The following FLT1 variants were observed in gnomAD, a reference collection of about 807,000 sequenced individuals.
FLT1 encodes the protein vascular endothelial growth factor receptor 1.
FLT1 carries 49 observed loss-of-function variants against 156.3 expected under a neutral mutation model. That is an observed-to-expected ratio of 0.31 (90% CI 0.25 to 0.40). The LOEUF (loss-of-function observed/expected upper bound fraction) is 0.40. Ranked by LOEUF, FLT1 falls within the 10% of genes least tolerant of loss-of-function variation. The pLI, the probability that FLT1 is intolerant of heterozygous loss-of-function variation, is 1.00. For synonymous variants in FLT1, 594 were observed against 583.8 expected, an observed-to-expected ratio of 1.02 and a Z score of -0.25; for missense variants, 1,322 against 1,637.2, an observed-to-expected ratio of 0.81 and a Z score of 3.32.
At chr13:28,307,657 A>T (rs1469084880) in intron 28 of FLT1, among the ~76,000 whole-genome samples, 10 of 147,116 alleles carry the variant, frequency 6.8e-5, no homozygotes, top group South Asian at 2.1e-4. Context: ...TTCGTTTTTG[A>T]TTTTTTTTTT....
intron 12 of FLT1, among the ~76,000 whole-genome samples, chr13:28,392,813 A>T (rs940244707): frequency 2.0e-5 from 3 of 152,212 alleles, no homozygotes; most frequent in Non-Finnish European, 4.4e-5. Context: ...AAAAGCAAAG[A>T]ACCAAATTCG....
In FLT1 at chr13:28,357,199, CT is replaced by C. The variant is rs375938526; in HGVS notation, c.2248+354del. Among the ~76,000 whole-genome samples the C allele has an allele frequency of 4.7e-4, 72 of 152,096 alleles. No homozygotes were observed. The South Asian group carries it at 0.014, about 30-fold the overall frequency. On this transcript the variant is annotated intron_variant, in intron 15 of 29. Transcript: ENST00000282397. ...TCCCCCTCCTCACCTACCCCCCTCC[CT>C]TTTCTTCCATTTTGGACATCTCTCT... is the stretch of plus-strand genomic sequence containing the variant.
chr13:28,484,973 C>T (rs1385390237), intron 1 of FLT1, among the ~76,000 whole-genome samples: 1 of 151,176 alleles, frequency 6.6e-6, no homozygotes, highest in Non-Finnish European at 1.5e-5. Flanking sequence ...GGAGATATAC[C>T]TAATGTTAAA....
chr13:28,357,467 A>G, intron 15 of FLT1, 87 bp downstream of exon 15: 1 of 1,340,406 alleles, frequency 7.5e-7, no homozygotes, highest in Non-Finnish European at 1.1e-6. Flanking sequence ...TGGAGCAGGC[A>G]GCAGGAGACT....
chr13:28,379,911 T>C (rs1445301930), intron 14 of FLT1, among the ~76,000 whole-genome samples: 3 of 152,192 alleles, frequency 2.0e-5, no homozygotes, highest in Non-Finnish European at 4.4e-5. Context: ...TGTACAAAGC[T>C]TGAGCCCTTG....
intron 13 of FLT1, chr13:28,388,112 T>G (rs2137455761): frequency 1.9e-6 from 2 of 1,057,220 alleles, no homozygotes; most frequent in East Asian, 5.3e-5. Flanking sequence ...CACACTAACT[T>G]ATAATGAACA....
At chr13:28,445,661 TAACAACAAC>T (rs140487705) in intron 3 of FLT1, among the ~76,000 whole-genome samples, 3 of 151,808 alleles carry the variant, frequency 2.0e-5, no homozygotes, top group African/African-American at 4.8e-5. Context: ...GATTGAATTG[TAACAACAAC>T]AACAACAACA....
intron 3 of FLT1, 146 bp downstream of exon 3, chr13:28,466,757 A>G (rs756776146): frequency 1.1e-5 from 8 of 713,536 alleles, no homozygotes; most frequent in African/African-American, 1.0e-4. Flanking sequence ...GACATCCACG[A>G]AAGTGTCTAC....
At chr13:28,436,194 G>T (rs1878014083) in intron 4 of FLT1, among the ~76,000 whole-genome samples, 1 of 152,318 alleles carries the variant, frequency 6.6e-6, no homozygotes, top group South Asian at 2.1e-4. Flanking sequence ...ACCACCGCAT[G>T]TGTAAGAATG....
chr13:28,335,492 C>G lies in FLT1; in HGVS notation c.2489-1363G>C, dbSNP rs183289512. On this transcript the variant is annotated intron_variant, in intron 17 of 29. Transcript: ENST00000282397. ...TAATGAAGCTTTGCTTCTTCCTCAT[C>G]ATATTAGAACCTTTCTACTTTTATG... Among the ~76,000 whole-genome samples, 96 of 152,266 alleles carry G rather than the reference C, an allele frequency of 6.3e-4. 2 individuals carry two copies. In the East Asian group the frequency reaches 0.016, roughly 26 times the overall value.
rs1219289947 is a variant in FLT1, at chr13:28,301,187, G to A, written c.*1980C>T. The A allele has an allele frequency of 4.5e-6, 1 of 224,006 alleles. No individual in the cohort carries two copies. The highest frequency in any genetic ancestry group is 8.7e-6 in the Non-Finnish European group (1 of 114,972). 13.9% of individuals were successfully genotyped at this position (224,006 alleles called of 1,614,324 possible). ...ATCTGATTTGGAAAAAAAAAAAAAA[G>A]TAGAGAATTGACTGAGGTCTTCTTT... On this transcript the variant is annotated 3_prime_UTR_variant, in exon 30 of 30. Transcript: ENST00000282397.
chr13:28,411,546 CAAAAA>C (rs71086852), intron 10 of FLT1, among the ~76,000 whole-genome samples: 1 of 84,738 alleles, frequency 1.2e-5, no homozygotes, highest in Non-Finnish European at 2.3e-5. Flanking sequence ...AACTCCATCT[CAAAAA>C]AAAAAAAAAA....
intron 3 of FLT1, among the ~76,000 whole-genome samples, chr13:28,456,418 G>A (rs895202633): frequency 1.3e-5 from 2 of 152,050 alleles, no homozygotes; most frequent in African/African-American, 2.4e-5. Context: ...CAAAATGAAG[G>A]AAGCCAATCT....
Position 28,317,549 on chromosome 13 carries a change from C to A in FLT1, c.3335G>T (p.Arg1112Leu). ...GVQMDEDFCS[R>L]LREGMRMRAP... ...TCTCATCCTCATGCCTTCCCTCAGGCGACTGCAAAAGTCCTCATCCATTTG... is the reference window on the plus strand; with the variant it reads ...TCTCATCCTCATGCCTTCCCTCAGGAGACTGCAAAAGTCCTCATCCATTTG... The change falls in exon 25 of 30, where the codon CGC (arginine) becomes CTC (leucine). Residue 1112 changes from arginine to leucine, a missense_variant. Physicochemically the swap from Arg to Leu is moderately radical, Grantham distance 102. Transcript: ENST00000282397. 6.2e-7 allele frequency: 1 copy of A among 1,613,998 alleles called. No individual in the cohort carries two copies. The highest frequency in any genetic ancestry group is 1.1e-5 in the South Asian group (1 of 91,072).
At chr13:28,449,596 C>T (rs1878811535) in intron 3 of FLT1, among the ~76,000 whole-genome samples, 2 of 152,160 alleles carry the variant, frequency 1.3e-5, no homozygotes, top group Admixed American at 1.3e-4. Flanking sequence ...CTAGTTTCTG[C>T]CATCCAGACA....
Position 28,300,771 on chromosome 13 carries a change from A to G in FLT1, c.*2396T>C, listed in dbSNP as rs1452310049. 4.3e-6 allele frequency: 1 copy of G among 233,224 alleles called. No homozygotes were observed. Among genetic ancestry groups the G allele is most frequent in the African/African-American group, 2.2e-5 (1 of 45,362 alleles). 14.4% of individuals were successfully genotyped at this position (233,224 alleles called of 1,614,324 possible). On this transcript the variant is annotated 3_prime_UTR_variant, in exon 30 of 30. Coordinates refer to ENST00000282397, the MANE Select transcript of FLT1 (RefSeq NM_002019.4). ...CCACCCAGACTGTTCCACGTACATT[A>G]TCTCAGAAACTCTGAAAGGAAGTGC...
intron 16 of FLT1, 145 bp downstream of exon 16, chr13:28,345,300 C>T (rs1593697178): frequency 1.5e-6 from 1 of 654,882 alleles, no homozygotes. Context: ...GATTTATTTT[C>T]TTTCTGTGTT....
chr13:28,488,592 G>A (rs776761344), intron 1 of FLT1, among the ~76,000 whole-genome samples: 6 of 152,174 alleles, frequency 3.9e-5, no homozygotes, highest in Admixed American at 2.6e-4. Context: ...AGAGAAGCAC[G>A]TTTTGGAGTA....
chr13:28,473,035 T>TA (rs1276611426), intron 1 of FLT1, among the ~76,000 whole-genome samples: 1 of 151,808 alleles, frequency 6.6e-6, no homozygotes, highest in African/African-American at 2.4e-5. Context: ...AACATGCAAA[T>TA]AAAAAACACA....
Sources: allele counts gnomAD v4.1 joint callset (sites outside exome capture counted in the v4.1 genomes callset), GRCh38; gene constraint gnomAD v4.1.1; transcripts MANE v1.5; gene names NCBI Gene and HGNC (gene_info 2026-07-23, HGNC 2026-07-21).